Variants in OSBP2 observed in about 807,000 individuals in gnomAD.
The protein encoded by OSBP2 is oxysterol-binding protein 2.
OSBP2 carries 66 observed loss-of-function variants against 96.0 expected under a neutral mutation model. That is an observed-to-expected ratio of 0.69 (90% confidence interval 0.56 to 0.84). The LOEUF is 0.84. Among genes scored for constraint, OSBP2 ranks in the 40% least tolerant of loss-of-function variants. OSBP2 has a pLI of 0.00. For synonymous variants in OSBP2, 525 were observed against 520.9 expected, an observed-to-expected ratio of 1.01 and a Z score of -0.11; for missense variants, 1,038 against 1,222.7, an observed-to-expected ratio of 0.85 and a Z score of 2.25.
At chr22:30,782,352 A>G (rs1308776697) in intron 2 of OSBP2, among the ~76,000 whole-genome samples, 1 of 151,916 alleles carries the variant, frequency 6.6e-6, no homozygotes, top group Non-Finnish European at 1.5e-5. Flanking sequence ...TTCTTGTGTG[A>G]TCGTTTGCAT....
At chr22:30,808,028 G>A (rs1272634477) in intron 2 of OSBP2, among the ~76,000 whole-genome samples, 3 of 152,124 alleles carry the variant, frequency 2.0e-5, no homozygotes, top group East Asian at 1.9e-4. Flanking sequence ...GGGCTCAAGC[G>A]ATCCTCCTGC....
chr22:30,841,733 G>T (rs1268305426), intron 2 of OSBP2, among the ~76,000 whole-genome samples: 1 of 152,122 alleles, frequency 6.6e-6, no homozygotes. Context: ...TGGCATGGTG[G>T]CTCACACCTC....
chr22:30,714,442 C>T (rs371827578), intron 1 of OSBP2, among the ~76,000 whole-genome samples: 2 of 151,502 alleles, frequency 1.3e-5, no homozygotes. Flanking sequence ...AAACACATAA[C>T]GTAAAATTTA....
At position 30,818,815 on chromosome 22, in the gene OSBP2, A is replaced by C. The variant is rs528601384; in HGVS notation, c.854-51614A>C. ...GCAGCCCAGGTGGGGCGTGACAAGG[A>C]AAGTGGTAACCATAGACATGGGAGG... On this transcript the variant is annotated intron_variant, in intron 2 of 13. Transcript: ENST00000332585. Among the ~76,000 whole-genome samples the C allele has an allele frequency of 3.9e-5, 6 of 152,280 alleles. No individual in the cohort carries two copies. The East Asian group carries it at 1.2e-3, about 29-fold the overall frequency.
At chr22:30,796,569 G>A (rs909850932) in intron 2 of OSBP2, among the ~76,000 whole-genome samples, 4 of 151,610 alleles carry the variant, frequency 2.6e-5, no homozygotes, top group Non-Finnish European at 4.4e-5. Flanking sequence ...GCAGTGATAC[G>A]ATCTCAGTTT....
In OSBP2 at chr22:30,870,150, C is replaced by G. The variant is rs1039319907; in HGVS notation, c.854-279C>G. Among the ~76,000 whole-genome samples the G allele has an allele frequency of 1.3e-5, 2 of 152,174 alleles. No individual in the cohort carries two copies. The highest frequency in any genetic ancestry group is 2.9e-5 in the Non-Finnish European group (2 of 68,028). ...ATGCAGGTGGGTGCCTGTAGGCCTG[C>G]CGCCTCCAAAGCCCAGTCCCGGCCC... On this transcript the variant is annotated intron_variant, in intron 2 of 13. Transcript: ENST00000332585. The surrounding 1 kb of genome is among the most constrained non-coding windows in gnomAD (Gnocchi z 4.1).
At chr22:30,818,055 C>T (rs898456350) in intron 2 of OSBP2, among the ~76,000 whole-genome samples, 2 of 152,102 alleles carry the variant, frequency 1.3e-5, no homozygotes, top group African/African-American at 2.4e-5. Flanking sequence ...ACCACTATGC[C>T]CAGCTAATTT....
Position 30,699,774 on chromosome 22 carries a change from A to G in OSBP2, c.644+4221A>G, listed in dbSNP as rs1023227669. Among the ~76,000 whole-genome samples, 19 of 152,174 alleles carry G rather than the reference A, an allele frequency of 1.2e-4. 1 individual carries two copies. The highest frequency in any genetic ancestry group is 1.2e-3 in the Admixed American group (19 of 15,274). On this transcript the variant is annotated intron_variant, in intron 1 of 13. Transcript: ENST00000332585. ...TCATTTGATTGCTTAAGTATATTCT[A>G]AGGAAGAAAGCACATTTTACCAATA...
chr22:30,737,626 A>G (rs2089875650), intron 1 of OSBP2, among the ~76,000 whole-genome samples: 1 of 151,794 alleles, frequency 6.6e-6, no homozygotes, highest in Non-Finnish European at 1.5e-5. Context: ...ACCACGCCCA[A>G]CCTAACTTCA....
chr22:30,852,848 A>G (rs1246936565), intron 2 of OSBP2, among the ~76,000 whole-genome samples: 2 of 152,148 alleles, frequency 1.3e-5, no homozygotes, highest in African/African-American at 2.4e-5. Flanking sequence ...CTTTCATTTC[A>G]GAATGTTTTC....
intron 2 of OSBP2, among the ~76,000 whole-genome samples, chr22:30,792,465 C>G (rs1478769109): frequency 6.6e-6 from 1 of 152,156 alleles, no homozygotes; most frequent in Non-Finnish European, 1.5e-5. Context: ...CTGCAGACAT[C>G]TACTTACAGG....
At chr22:30,824,646 G>A (rs1183782531) in intron 2 of OSBP2, among the ~76,000 whole-genome samples, 1 of 152,204 alleles carries the variant, frequency 6.6e-6, no homozygotes, top group Admixed American at 6.5e-5. Context: ...CAAACAGGGT[G>A]AGACTGGCCT....
chr22:30,888,176 T>A (rs1267566653), intron 4 of OSBP2, 47 bp from the exon 5 acceptor site: 1 of 1,293,368 alleles, frequency 7.7e-7, no homozygotes, highest in Non-Finnish European at 1.1e-6. Flanking sequence ...GAGGCGAGAT[T>A]GAGCCTTTTG....
At chr22:30,730,774 C>CTCTCTCTATATA (rs1569100458) in intron 1 of OSBP2, among the ~76,000 whole-genome samples, 4 of 13,838 alleles carry the variant, frequency 2.9e-4, no homozygotes, top group Non-Finnish European at 5.4e-4. Flanking sequence ...CTCTCTCTCT[C>CTCTCTCTATATA]TATATATATA....
chr22:30,713,998 G>C (rs1470740704), intron 1 of OSBP2, among the ~76,000 whole-genome samples: 4 of 152,050 alleles, frequency 2.6e-5, no homozygotes, highest in African/African-American at 9.7e-5. Flanking sequence ...TAGAACACTA[G>C]AACTTATTCC....
At chr22:30,732,935 TTTG>T (rs1382577311) in intron 1 of OSBP2, among the ~76,000 whole-genome samples, 1 of 152,172 alleles carries the variant, frequency 6.6e-6, no homozygotes, top group Non-Finnish European at 1.5e-5. Flanking sequence ...AATGGGCCAC[TTTG>T]TATAAGGCTG....
At chr22:30,814,853 A>C (rs1215216892) in intron 2 of OSBP2, among the ~76,000 whole-genome samples, 1 of 152,216 alleles carries the variant, frequency 6.6e-6, no homozygotes, top group Non-Finnish European at 1.5e-5. Context: ...TGTCTGGATG[A>C]GAATCTGGGA....
chr22:30,887,455 G>A lies in OSBP2; in HGVS notation c.1137G>A (p.Glu379=), dbSNP rs1475805668. 1.2e-6 allele frequency: 2 copies of A among 1,613,800 alleles called. No homozygotes were observed. The highest frequency in any genetic ancestry group is 1.7e-6 in the Non-Finnish European group (2 of 1,180,026). The change falls in exon 4 of 14, where the codon GAG becomes GAA. Residue 379 remains glutamate (E), a synonymous_variant. Coordinates refer to ENST00000332585, the MANE Select transcript of OSBP2 (RefSeq NM_030758.4). ...NACRDFLELA[E]IHSRKWQRAL... ...GCAGGGACTTCTTGGAACTAGCAGA[G>A]ATACACAGTCGGAAATGGCAGCGGG...
chr22:30,886,547 T>G lies in OSBP2; in HGVS notation c.1108-879T>G, dbSNP rs543702970. Among the ~76,000 whole-genome samples the G allele has an allele frequency of 2.0e-5, 3 of 152,296 alleles. No homozygotes were observed. In the South Asian group the frequency reaches 6.2e-4, roughly 32 times the overall value. On this transcript the variant is annotated intron_variant, in intron 3 of 13. Coordinates refer to ENST00000332585, the MANE Select transcript of OSBP2 (RefSeq NM_030758.4). Reference sequence around the variant, plus strand: ...TCTAGCTCTGTGAATAGAGATTCTTTACAGATGCACGTTTTCCCCCACAAA... The same window carrying G: ...TCTAGCTCTGTGAATAGAGATTCTTGACAGATGCACGTTTTCCCCCACAAA...
Sources: gnomAD v4.1 joint callset for allele counts (sites outside exome capture counted in the v4.1 genomes callset) on GRCh38, gnomAD v4.1.1 for gene constraint, Gnocchi (gnomAD v3.1) non-coding constraint, MANE v1.5 for transcripts, NCBI Gene and HGNC (gene_info 2026-07-23, HGNC 2026-07-21) for gene names.